NLRP8: variants seen among roughly 807,000 people sequenced by gnomAD.
The protein encoded by NLRP8 is NACHT, LRR and PYD domains-containing protein 8.
NLRP8 carries 86 observed loss-of-function variants against 88.7 expected under a neutral mutation model. The ratio of observed to expected loss-of-function variants is 0.97; its 90% confidence interval spans 0.81 to 1.16. The LOEUF (loss-of-function observed/expected upper bound fraction) is 1.16. Among genes scored for constraint, NLRP8 ranks in the 50% most tolerant of loss-of-function variants. The pLI is 0.00. For missense variants in NLRP8, 1,342 were observed against 1,286.5 expected (o/e 1.04, Z -0.66); for synonymous variants, 504 against 494.6 (o/e 1.02, Z -0.25).
In NLRP8 at chr19:55,980,874, C is replaced by A. The variant is rs1191560406; in HGVS notation, c.3047+1310C>A. Among the ~76,000 whole-genome samples, 4 of 152,180 alleles carry A rather than the reference C, an allele frequency of 2.6e-5. No homozygotes were observed. The South Asian group carries it at 8.3e-4, about 32-fold the overall frequency. ...ATCATGGGGGCTGTCTTGGTTGAAC[C>A]CCAAGGCACTTTGAATTCATTCCTG... On this transcript the variant is annotated intron_variant, in intron 9 of 9. Coordinates refer to ENST00000291971, the MANE Select transcript of NLRP8 (RefSeq NM_176811.2).
chr19:55,948,781 A>G (rs1600293808), intron 1 of NLRP8, among the ~76,000 whole-genome samples: 1 of 152,184 alleles, frequency 6.6e-6, no homozygotes, highest in Non-Finnish European at 1.5e-5. Context: ...TACTGCTTAT[A>G]TGAGGTGAAC....
At chr19:55,964,899 A>C (rs1188702876) in intron 4 of NLRP8, among the ~76,000 whole-genome samples, 3 of 152,186 alleles carry the variant, frequency 2.0e-5, no homozygotes, top group African/African-American at 7.2e-5. Flanking sequence ...CCTCAAGGAA[A>C]CTGTTTTTAA....
intron 7 of NLRP8, 103 bp from the exon 8 acceptor site, chr19:55,976,030 C>A: frequency 2.5e-6 from 3 of 1,181,162 alleles, no homozygotes; most frequent in South Asian, 1.9e-5. Context: ...AAACAGAACC[C>A]AAAAACAAAG....
At chr19:55,985,565 T>A in intron 9 of NLRP8, among the ~76,000 whole-genome samples, 1 of 152,166 alleles carries the variant, frequency 6.6e-6, no homozygotes. Flanking sequence ...AATTCCTACC[T>A]CATACCATAT....
At position 55,948,035 on chromosome 19, in the gene NLRP8, A is replaced by G. The variant is rs1247521323; in HGVS notation, c.133A>G (p.Met45Val). 5 of 1,613,934 alleles carry G rather than the reference A, an allele frequency of 3.1e-6. No individual in the cohort carries two copies. In the African/African-American group the frequency reaches 5.3e-5, roughly 17 times the overall value. ...ATGTGAAAATGGGGTCATGCTGTAC[A>G]TGAGAAACGTGAGCCATGAGGAGCT... The change falls in exon 1 of 10, where the codon ATG becomes GTG. Residue 45 changes from methionine to valine, a missense_variant. Coordinates refer to ENST00000291971, the MANE Select transcript of NLRP8 (RefSeq NM_176811.2).
intron 1 of NLRP8, among the ~76,000 whole-genome samples, chr19:55,948,755 T>A (rs1334205605): frequency 6.6e-6 from 1 of 152,138 alleles, no homozygotes; most frequent in East Asian, 1.9e-4. Context: ...GCCTATTTTT[T>A]AAAAACTTAA....
intron 6 of NLRP8, among the ~76,000 whole-genome samples, chr19:55,973,047 T>C (rs1276299172): frequency 6.6e-6 from 1 of 152,204 alleles, no homozygotes; most frequent in Non-Finnish European, 1.5e-5. Context: ...CACACTGTTT[T>C]CCACAGTGGC....
Position 55,970,561 on chromosome 19 carries a change from C to T in NLRP8, c.2399C>T (p.Ala800Val), listed in dbSNP as rs779312959. 2 of 1,613,890 alleles carry T rather than the reference C, an allele frequency of 1.2e-6. No homozygotes were observed. Among genetic ancestry groups the T allele is most frequent in the African/African-American group, 2.7e-5 (2 of 74,898 alleles). Reference sequence around the variant, plus strand: ...TTCTACAGGTTGGAAGACTGCTTGGCCACCCCTAGAATTTGGACTGATCTT... The same window carrying T: ...TTCTACAGGTTGGAAGACTGCTTGGTCACCCCTAGAATTTGGACTGATCTT... Residue 800 changes from alanine to valine, a missense_variant, in exon 6 of 10, where the codon GCC becomes GTC. Coordinates refer to ENST00000291971, the MANE Select transcript of NLRP8 (RefSeq NM_176811.2).
At chr19:55,959,448 A>C (rs574695750) in intron 3 of NLRP8, among the ~76,000 whole-genome samples, 4 of 150,924 alleles carry the variant, frequency 2.7e-5, no homozygotes, top group Non-Finnish European at 5.9e-5. Flanking sequence ...TCCTGACCTC[A>C]TGATCCACCC....
At chr19:55,961,981 G>A (rs773256124) in intron 3 of NLRP8, 86 bp from the exon 4 acceptor site, 1 of 1,411,906 alleles carries the variant, frequency 7.1e-7, no homozygotes, top group Middle Eastern at 1.9e-4. Flanking sequence ...CCCTAACCAG[G>A]ATAGGGAACA....
At chr19:55,965,901 C>T (rs1055584144) in intron 4 of NLRP8, among the ~76,000 whole-genome samples, 12 of 147,088 alleles carry the variant, frequency 8.2e-5, no homozygotes, top group Admixed American at 2.9e-4. Context: ...TGAGAACATG[C>T]GGTGTTTGGT....
At chr19:55,964,289 A>G (rs1374053056) in intron 4 of NLRP8, among the ~76,000 whole-genome samples, 2 of 152,252 alleles carry the variant, frequency 1.3e-5, no homozygotes, top group Admixed American at 6.5e-5. Flanking sequence ...TCTCACAGCC[A>G]TTCTAAGGAG....
At chr19:55,961,409 A>AT (rs78415366) in intron 3 of NLRP8, among the ~76,000 whole-genome samples, 1 of 152,174 alleles carries the variant, frequency 6.6e-6, no homozygotes, top group Admixed American at 6.5e-5. Flanking sequence ...CTGATCCTAT[A>AT]TTTTTTTAAA....
At position 55,973,924 on chromosome 19, in the gene NLRP8, C is replaced by T. The variant is rs1432076887; in HGVS notation, c.2705+102C>T. The T allele has an allele frequency of 2.5e-6, 3 of 1,182,666 alleles. No individual in the cohort carries two copies. The African/African-American group carries it at 4.6e-5, about 18-fold the overall frequency. 73.3% of individuals were successfully genotyped at this position (1,182,666 alleles called of 1,614,324 possible). ...TTTATGTCACATATTTATTAAGTGC[C>T]TACTGCGTGTTAGGCATGGTGCTAG... On this transcript the variant is annotated intron_variant, in intron 7 of 9. Coordinates refer to ENST00000291971, the MANE Select transcript of NLRP8 (RefSeq NM_176811.2).
At chr19:55,978,422 A>T (rs974822284) in intron 8 of NLRP8, among the ~76,000 whole-genome samples, 1 of 152,054 alleles carries the variant, frequency 6.6e-6, no homozygotes. Context: ...AAAGAAAAGG[A>T]CTGTGGAGGC....
intron 8 of NLRP8, among the ~76,000 whole-genome samples, chr19:55,977,183 C>T (rs8102608): frequency 7.5e-6 from 1 of 134,228 alleles, no homozygotes; most frequent in Non-Finnish European, 1.5e-5. Flanking sequence ...TACATATATA[C>T]ATATATACGT....
Position 55,948,023 on chromosome 19 carries a change from G to T in NLRP8, c.121G>T (p.Val41Phe), listed in dbSNP as rs556133344. 4 of 1,614,068 alleles carry T rather than the reference G, an allele frequency of 2.5e-6. No individual in the cohort carries two copies. Among genetic ancestry groups the T allele is most frequent in the African/African-American group, 2.7e-5 (2 of 75,014 alleles). Residue 41 changes from valine (V) to phenylalanine (F), a missense_variant, in exon 1 of 10, where the codon GTC (valine) becomes TTC (phenylalanine). Physicochemically the swap from Val to Phe is conservative, Grantham distance 50. Coordinates refer to ENST00000291971, the MANE Select transcript of NLRP8 (RefSeq NM_176811.2). ...CCCCGGCTCCCCATGTGAAAATGGG[G>T]TCATGCTGTACATGAGAAACGTGAG...
At chr19:55,983,117 C>A (rs1335114919) in intron 9 of NLRP8, among the ~76,000 whole-genome samples, 1 of 151,986 alleles carries the variant, frequency 6.6e-6, no homozygotes, top group East Asian at 1.9e-4. Context: ...ATTTAAACAA[C>A]AGATACACAG....
chr19:55,955,490 A>G lies in NLRP8; in HGVS notation c.1432A>G (p.Lys478Glu). The change falls in exon 3 of 10, where the codon AAG (lysine) becomes GAG (glutamate). Residue 478 changes from lysine (K) to glutamate (E), a missense_variant. Transcript: ENST00000291971. ...AGGTAAAGAAGATCTTGAGGAAGCC[A>G]AGCTGGATCAGACGGGAGTCACCGC... The G allele has an allele frequency of 6.2e-7, 1 of 1,614,254 alleles. No individual in the cohort carries two copies. The highest frequency in any genetic ancestry group is 8.5e-7 in the Non-Finnish European group (1 of 1,180,038).
Sources: gnomAD v4.1 joint callset for allele counts (sites outside exome capture counted in the v4.1 genomes callset) on GRCh38, gnomAD v4.1.1 for gene constraint, MANE v1.5 for transcripts, NCBI Gene and HGNC (gene_info 2026-07-23, HGNC 2026-07-21) for gene names.